LMOD1: variants seen among roughly 807,000 people sequenced by gnomAD.
LMOD1 encodes leiomodin 1, also known as leiomodin-1.
In LMOD1, 8 loss-of-function variants were observed where a neutral mutation model predicts 36.5. The ratio of observed to expected loss-of-function variants is 0.22; its 90% confidence interval spans 0.13 to 0.40. The LOEUF (loss-of-function observed/expected upper bound fraction) is 0.40, where lower values mean the gene tolerates loss of function less well. Among genes scored for constraint, LMOD1 ranks in the 10% least tolerant of loss-of-function variants. LMOD1 has a pLI of 1.00. For synonymous variants in LMOD1, 284 were observed against 288.7 expected, an observed-to-expected ratio of 0.98 and a Z score of 0.17; for missense variants, 630 against 751.1, an observed-to-expected ratio of 0.84 and a Z score of 1.88.
chr1:201,908,801 C>T (rs539282546), intron 1 of LMOD1, among the ~76,000 whole-genome samples: 44 of 152,244 alleles, frequency 2.9e-4, no homozygotes, highest in Non-Finnish European at 1.9e-4. Flanking sequence ...GGAAACTGTC[C>T]GAAATGGAAG....
At chr1:201,901,575 T>TACAC (rs1558234712) in intron 1 of LMOD1, among the ~76,000 whole-genome samples, 1 of 34,026 alleles carries the variant, frequency 2.9e-5, no homozygotes. Context: ...TATATATATA[T>TACAC]ATATATATAC....
At position 201,904,520 on chromosome 1, in the gene LMOD1, C is replaced by T. The variant is rs80039996; in HGVS notation, c.262-3769G>A. On this transcript the variant is annotated intron_variant, in intron 1 of 2. Transcript: ENST00000367288. ...CCACCACGCCCAGCCTCAATTTAAC[C>T]TTCTTTCTTCCCTGACACCGCACAT... 3.9e-5 allele frequency among the ~76,000 whole-genome samples: 6 copies of T among 152,258 alleles called. No homozygotes were observed. The East Asian group carries it at 1.2e-3, about 29-fold the overall frequency.
chr1:201,942,687 A>T (rs1038346689), intron 1 of LMOD1, among the ~76,000 whole-genome samples: 39 of 149,768 alleles, frequency 2.6e-4, no homozygotes, highest in Non-Finnish European at 5.0e-4. Context: ...TTTTTTTTTT[A>T]AATTTTATTA....
intron 1 of LMOD1, among the ~76,000 whole-genome samples, chr1:201,901,603 T>G (rs1681318762): frequency 2.1e-5 from 1 of 48,746 alleles, no homozygotes; most frequent in African/African-American, 9.1e-5. Context: ...TATGTATATA[T>G]ATATATACAC....
At chr1:201,916,762 ACCTTCGCCTGG>A (rs1681619179) in intron 1 of LMOD1, among the ~76,000 whole-genome samples, 1 of 152,114 alleles carries the variant, frequency 6.6e-6, no homozygotes. Flanking sequence ...TCGCAGCCTG[ACCTTCGCCTGG>A]CTCTGTTCCA....
chr1:201,926,801 G>C (rs1384249079), intron 1 of LMOD1, among the ~76,000 whole-genome samples: 2 of 152,110 alleles, frequency 1.3e-5, no homozygotes, highest in African/African-American at 2.4e-5. Context: ...AGGATTGCTT[G>C]AGTCCAGGAG....
At chr1:201,908,541 G>A (rs1258589826) in intron 1 of LMOD1, among the ~76,000 whole-genome samples, 1 of 152,136 alleles carries the variant, frequency 6.6e-6, no homozygotes, top group African/African-American at 2.4e-5. Context: ...TTAATCCCCT[G>A]AAAAACAGGG....
rs1681272445 is a variant in LMOD1 at position 201,900,179 on chromosome 1, A to G, written c.834T>C (p.His278=). 3.1e-6 allele frequency: 5 copies of G among 1,613,310 alleles called. No homozygotes were observed. In the East Asian group the frequency reaches 1.1e-4, roughly 36 times the overall value. Reference sequence around the variant, plus strand: ...TGCTGTCATCCTTGGCTTCCTTTTCATGTAAGGGTTCATTCTTCTTGACTT... The same window carrying G: ...TGCTGTCATCCTTGGCTTCCTTTTCGTGTAAGGGTTCATTCTTCTTGACTT... The part of the protein sequence containing the change: ...DEKVKKNEPL[H]EKEAKDDSKT... The change falls in exon 2 of 3, where the codon CAT becomes CAC. Residue 278 remains histidine (H), a synonymous_variant. Coordinates refer to ENST00000367288, the MANE Select transcript of LMOD1 (RefSeq NM_012134.3).
At position 201,900,692 on chromosome 1, in the gene LMOD1, A is replaced by C; in HGVS notation, c.321T>G (p.Asp107Glu). 6.2e-7 allele frequency: 1 copy of C among 1,613,482 alleles called. No homozygotes were observed. Among genetic ancestry groups the C allele is most frequent in the Non-Finnish European group, 8.5e-7 (1 of 1,179,774 alleles). Residue 107 changes from aspartate (D) to glutamate (E), a missense_variant, in exon 2 of 3, where the codon GAT becomes GAG. By Grantham distance (45) the Asp-to-Glu change is conservative. Transcript: ENST00000367288. The part of the protein sequence containing the change: ...DAKNGEERGR[D>E]ASKKALGPRR... ...TGGGGCCCAGGGCTTTTTTGCTGGCATCTCTGCCCCTTTCCTCTCCATTCT... is the reference window on the plus strand; with the variant it reads ...TGGGGCCCAGGGCTTTTTTGCTGGCCTCTCTGCCCCTTTCCTCTCCATTCT...
intron 2 of LMOD1, 70 bp from the exon 3 acceptor site, chr1:201,898,468 GAC>G: frequency 7.7e-7 from 1 of 1,305,710 alleles, no homozygotes; most frequent in East Asian, 2.4e-5. Flanking sequence ...CTACTGGAAG[GAC>G]ACACAAGACA....
Position 201,946,547 on chromosome 1 carries a change from A to C in LMOD1, c.-207T>G. 1 of 579,668 alleles carries C rather than the reference A, an allele frequency of 1.7e-6. No individual in the cohort carries two copies. The highest frequency in any genetic ancestry group is 3.0e-6 in the Non-Finnish European group (1 of 330,362). The allele number at this position is 579,668 out of a possible 1,614,324, so 35.9% of individuals were successfully genotyped here. On this transcript the variant is annotated 5_prime_UTR_variant, in exon 1 of 3. Coordinates refer to ENST00000367288, the MANE Select transcript of LMOD1 (RefSeq NM_012134.3). ...CCTCCCTGAAGCCCAGGGCTAGTGG[A>C]CCCCGGCTGGTCTAATCAGCGGCCA... is the stretch of plus-strand genomic sequence containing the variant.
intron 1 of LMOD1, among the ~76,000 whole-genome samples, chr1:201,910,449 A>ATGTTT (rs759432033): frequency 3.9e-5 from 6 of 152,010 alleles, no homozygotes; most frequent in East Asian, 3.9e-4. Flanking sequence ...AATTTTTATT[A>ATGTTT]TGTTTTGTTT....
At chr1:201,898,792 A>C (rs753141255) in intron 2 of LMOD1, among the ~76,000 whole-genome samples, 2 of 152,170 alleles carry the variant, frequency 1.3e-5, no homozygotes, top group African/African-American at 2.4e-5. Flanking sequence ...TGAGAGGTGA[A>C]TCTCCCAGAG....
intron 1 of LMOD1, among the ~76,000 whole-genome samples, chr1:201,902,788 A>C (rs551233727): frequency 2.6e-5 from 4 of 152,108 alleles, no homozygotes; most frequent in Non-Finnish European, 5.9e-5. Flanking sequence ...CCACACCTCC[A>C]TGGATCCCTG....
intron 1 of LMOD1, among the ~76,000 whole-genome samples, chr1:201,904,116 G>A (rs756060583): frequency 6.6e-6 from 1 of 152,018 alleles, no homozygotes; most frequent in Non-Finnish European, 1.5e-5. Flanking sequence ...CTCTTTTCAC[G>A]CAGCCCCCTT....
chr1:201,939,925 A>G lies in LMOD1; in HGVS notation c.261+6155T>C, dbSNP rs1682085354. Among the ~76,000 whole-genome samples the G allele has an allele frequency of 2.6e-5, 4 of 152,284 alleles. No individual in the cohort carries two copies. The South Asian group carries it at 8.3e-4, about 32-fold the overall frequency. On this transcript the variant is annotated intron_variant, in intron 1 of 2. Coordinates refer to ENST00000367288, the MANE Select transcript of LMOD1 (RefSeq NM_012134.3). ...CCTGGGGGAGAGAAAGAGAGACTGA[A>G]GGAGGATAGACAGATAAGACCGGGG... is the stretch of plus-strand genomic sequence containing the variant.
chr1:201,901,966 AT>A (rs11349780), intron 1 of LMOD1, among the ~76,000 whole-genome samples: 64,006 of 110,180 alleles, frequency 0.58, 14,676 homozygotes, highest in East Asian at 0.81. Flanking sequence ...TATTATTATT[AT>A]TTTTTTTTTT....
chr1:201,898,334 A>T lies in LMOD1; in HGVS notation c.*38T>A. Reference sequence around the variant, plus strand: ...TAGCCCTGGGAGGTGAGGCCTGAGCAGTCATGGCATTGGCAGATGGTGCCT... The same window carrying T: ...TAGCCCTGGGAGGTGAGGCCTGAGCTGTCATGGCATTGGCAGATGGTGCCT... On this transcript the variant is annotated 3_prime_UTR_variant, in exon 3 of 3. Coordinates refer to ENST00000367288, the MANE Select transcript of LMOD1 (RefSeq NM_012134.3). 6.2e-7 allele frequency: 1 copy of T among 1,606,712 alleles called. No individual in the cohort carries two copies. The highest frequency in any genetic ancestry group is 8.5e-7 in the Non-Finnish European group (1 of 1,175,836).
At chr1:201,933,151 C>T (rs1160943275) in intron 1 of LMOD1, among the ~76,000 whole-genome samples, 3 of 152,128 alleles carry the variant, frequency 2.0e-5, no homozygotes, top group African/African-American at 2.4e-5. Flanking sequence ...TGGTGGCTCA[C>T]GCTTGTAATC....
Sources: gnomAD v4.1 joint callset for allele counts (sites outside exome capture counted in the v4.1 genomes callset) on GRCh38, gnomAD v4.1.1 for gene constraint, MANE v1.5 for transcripts, NCBI Gene and HGNC (gene_info 2026-07-23, HGNC 2026-07-21) for gene names.